Variants in NYAP1 observed in about 807,000 individuals in gnomAD.
NYAP1 encodes neuronal tyrosine phosphorylated phosphoinositide-3-kinase adaptor 1, also known as neuronal tyrosine-phosphorylated phosphoinositide-3-kinase adapter 1.
NYAP1 carries 20 observed loss-of-function variants against 58.6 expected under a neutral mutation model. The observed-to-expected ratio is 0.34, with a 90% confidence interval of 0.24 to 0.50. The LOEUF (loss-of-function observed/expected upper bound fraction) is 0.50, where lower values mean the gene tolerates loss of function less well. Ranked by LOEUF, NYAP1 falls within the 20% of genes least tolerant of loss-of-function variation. The pLI is 0.98. For missense variants in NYAP1, 1,150 were observed against 1,194.5 expected (o/e 0.96, Z 0.55); for synonymous variants, 572 against 523.1 (o/e 1.09, Z -1.27).
chr7:100,488,518 A>G lies in NYAP1; in HGVS notation c.797A>G (p.Tyr266Cys). Reference protein sequence around the residue: ...ESEAIYEEMKYPLPEEAGEGR... With the variant: ...ESEAIYEEMKCPLPEEAGEGR... ...GAGGCCATCTATGAAGAGATGAAGT[A>G]CCCGCTGCCGGAAGAGGCTGGGGAA... The change falls in exon 4 of 7, where the codon TAC becomes TGC. Residue 266 changes from tyrosine to cysteine, a missense_variant. By Grantham distance (194) the Tyr-to-Cys change is radical. Coordinates refer to ENST00000300179, the MANE Select transcript of NYAP1 (RefSeq NM_173564.4). This position sits in a 1 kb window ranked among gnomAD's most constrained non-coding sequence, Gnocchi z 5.9. The G allele has an allele frequency of 2.5e-6, 4 of 1,610,316 alleles. No homozygotes were observed. The South Asian group carries it at 4.4e-5, about 18-fold the overall frequency.
In NYAP1 at chr7:100,493,898, A is replaced by G. The variant is rs1799834048; in HGVS notation, c.2521A>G (p.Ile841Val). ...RQHTVLWDTA[I>V] ...GCACACGGTCCTCTGGGACACCGCC[A>G]TCTGAGGCGGGCGGGGGGGTACCGG... The change falls in exon 7 of 7, where the codon ATC (isoleucine) becomes GTC (valine). Residue 841 changes from isoleucine to valine, a missense_variant. Coordinates refer to ENST00000300179, the MANE Select transcript of NYAP1 (RefSeq NM_173564.4). The G allele has an allele frequency of 6.9e-7, 1 of 1,452,594 alleles. No individual in the cohort carries two copies. Among genetic ancestry groups the G allele is most frequent in the Non-Finnish European group, 9.0e-7 (1 of 1,106,866 alleles). 90.0% of individuals were successfully genotyped at this position (1,452,594 alleles called of 1,614,324 possible).
Position 100,490,814 on chromosome 7 carries a change from T to C in NYAP1, c.2158+85T>C. On this transcript the variant is annotated intron_variant, in intron 5 of 6. Transcript: ENST00000300179. This position sits in a 1 kb window ranked among gnomAD's most constrained non-coding sequence, Gnocchi z 4.6. ...TAGCTGCACCTGTCCTGACTTCCTCTCACCTGTTCACGTCTGTGCCCAGGG... is the reference window on the plus strand; with the variant it reads ...TAGCTGCACCTGTCCTGACTTCCTCCCACCTGTTCACGTCTGTGCCCAGGG... 1 of 1,273,708 alleles carries C rather than the reference T, an allele frequency of 7.9e-7. No individual in the cohort carries two copies. Among genetic ancestry groups the C allele is most frequent in the South Asian group, 1.5e-5 (1 of 65,404 alleles). The allele number at this position is 1,273,708 out of a possible 1,614,324, so 78.9% of individuals were successfully genotyped here. A position where few individuals can be genotyped will look rare whatever the true frequency, so the allele number is the denominator to read the frequency against.
chr7:100,489,089 G>A lies in NYAP1; in HGVS notation c.1368G>A (p.Lys456=), dbSNP rs369018165. 4 of 1,563,096 alleles carry A rather than the reference G, an allele frequency of 2.6e-6. No individual in the cohort carries two copies. Among genetic ancestry groups the A allele is most frequent in the East Asian group, 4.7e-5 (2 of 42,418 alleles). The part of the protein sequence containing the change: ...AALLPGPPKD[K]AVSYTMVYSA... ...TGCTCCCCGGCCCCCCCAAGGACAA[G>A]GCCGTGTCTTACACCATGGTGTACT... Residue 456 remains lysine (K), a synonymous_variant, in exon 4 of 7, where the codon AAG becomes AAA. Transcript: ENST00000300179.
Position 100,487,268 on chromosome 7 carries a change from C to T in NYAP1, c.430+86C>T. On this transcript the variant is annotated intron_variant, in intron 3 of 6. Coordinates refer to ENST00000300179, the MANE Select transcript of NYAP1 (RefSeq NM_173564.4). This position sits in a 1 kb window ranked among gnomAD's most constrained non-coding sequence, Gnocchi z 4.1. ...CCCGGGGAGGCTTGCCGGGAGGGTT[C>T]ATTCAGGGAAGAACCAAGGAAGTGG... 1 of 1,357,756 alleles carries T rather than the reference C, an allele frequency of 7.4e-7. No homozygotes were observed. The highest frequency in any genetic ancestry group is 1.7e-5 in the South Asian group (1 of 57,898). The allele number at this position is 1,357,756 out of a possible 1,614,324, so 84.1% of individuals were successfully genotyped here.
rs79083516 is a variant in NYAP1 at position 100,489,994 on chromosome 7, C to T, written c.1945+328C>T. 2.2e-4 allele frequency among the ~76,000 whole-genome samples: 33 copies of T among 152,082 alleles called. No individual in the cohort carries two copies. In the East Asian group the frequency reaches 6.0e-3, roughly 28 times the overall value. On this transcript the variant is annotated intron_variant, in intron 4 of 6. Transcript: ENST00000300179. The stretch of plus-strand genomic sequence containing the variant: ...ACCAGGAACTAAACACAGCTGCCTC[C>T]CAGCTGTTACCATGGCAACCCATCC...
rs756607233 is a variant in NYAP1 at position 100,487,019 on chromosome 7, C to T, written c.267C>T (p.Gly89=). 3.1e-6 allele frequency: 5 copies of T among 1,608,340 alleles called. No homozygotes were observed. Among genetic ancestry groups the T allele is most frequent in the Non-Finnish European group, 4.2e-6 (5 of 1,177,242 alleles). The change falls in exon 3 of 7, where the codon GGC becomes GGT. Residue 89 remains glycine (G), a synonymous_variant. Transcript: ENST00000300179. This position sits in a 1 kb window ranked among gnomAD's most constrained non-coding sequence, Gnocchi z 4.1. ...GCTCCCTCTCCTGCCACTCGGTGGG[C>T]AGCATGGACAGTGTCGGGGGTGGCC... The part of the protein sequence containing the change: ...APRSLSCHSV[G]SMDSVGGGPG...
In NYAP1 at chr7:100,487,194, C is replaced by G. The variant is rs762380179; in HGVS notation, c.430+12C>G. The G allele has an allele frequency of 1.8e-5, 27 of 1,477,878 alleles. No homozygotes were observed. The highest frequency in any genetic ancestry group is 7.6e-5 in the East Asian group (3 of 39,486). 91.5% of individuals were successfully genotyped at this position (1,477,878 alleles called of 1,614,324 possible). On this transcript the variant is annotated intron_variant, in intron 3 of 6. Coordinates refer to ENST00000300179, the MANE Select transcript of NYAP1 (RefSeq NM_173564.4). This position sits in a 1 kb window ranked among gnomAD's most constrained non-coding sequence, Gnocchi z 4.1. Reference sequence around the variant, plus strand: ...CAGCAAGAAAGCAGGTGAGATACCCCCTATCTCTCCCTGGGGTGGAGCTGG... The same window carrying G: ...CAGCAAGAAAGCAGGTGAGATACCCGCTATCTCTCCCTGGGGTGGAGCTGG...
At position 100,485,816 on chromosome 7, in the gene NYAP1, T is replaced by TG. The variant is rs1469484096; in HGVS notation, c.68+439dup. Among the ~76,000 whole-genome samples the TG allele has an allele frequency of 2.0e-5, 3 of 151,810 alleles. No individual in the cohort carries two copies. Among genetic ancestry groups the TG allele is most frequent in the Non-Finnish European group, 4.4e-5 (3 of 67,934 alleles). ...AGTTTTCCCTGCTGGGGGAGGTGAG[T>TG]GGTCAAGTGATGGGGTTGTGTGTGT... is the stretch of plus-strand genomic sequence containing the variant. On this transcript the variant is annotated intron_variant, in intron 2 of 6. Transcript: ENST00000300179. The surrounding 1 kb of genome is among the most constrained non-coding windows in gnomAD (Gnocchi z 5.7).
intron 6 of NYAP1, 26 bp downstream of exon 6, chr7:100,491,121 G>T: frequency 2.1e-6 from 3 of 1,424,058 alleles, no homozygotes; most frequent in South Asian, 2.5e-5. Flanking sequence ...TCTTTTATTT[G>T]TGAAGGAGCA....
At chr7:100,492,116 G>A (rs35146386) in intron 6 of NYAP1, among the ~76,000 whole-genome samples, 22,184 of 151,866 alleles carry the variant, frequency 0.15, 1,657 homozygotes, top group Non-Finnish European at 0.16. Context: ...GCAGGCACCC[G>A]TAATCCCAGC....
Position 100,489,585 on chromosome 7 carries a change from G to A in NYAP1, c.1864G>A (p.Val622Met), listed in dbSNP as rs771007914. 1.1e-4 allele frequency: 174 copies of A among 1,613,012 alleles called. No individual in the cohort carries two copies. The highest frequency in any genetic ancestry group is 1.4e-4 in the Non-Finnish European group (169 of 1,179,948). Residue 622 changes from valine to methionine, a missense_variant, in exon 4 of 7, where the codon GTG becomes ATG. Transcript: ENST00000300179. ...GACACCAGAGGAGGAAGAAGAGGAG[G>A]TGGGCGCCGCGACATTTGGGGCAGG... ...AGTPEEEEEE[V>M]GAATFGAGWA...
chr7:100,493,914 G>T lies in NYAP1; in HGVS notation c.*11G>T. The T allele has an allele frequency of 7.0e-7, 1 of 1,428,632 alleles. No homozygotes were observed. Among genetic ancestry groups the T allele is most frequent in the Non-Finnish European group, 9.1e-7 (1 of 1,097,978 alleles). 88.5% of individuals were successfully genotyped at this position (1,428,632 alleles called of 1,614,324 possible). On this transcript the variant is annotated 3_prime_UTR_variant, in exon 7 of 7. Transcript: ENST00000300179. ...GACACCGCCATCTGAGGCGGGCGGG[G>T]GGGTACCGGGGCGCCTGGACTGGGG...
At position 100,488,965 on chromosome 7, in the gene NYAP1, C is replaced by T. The variant is rs747788150; in HGVS notation, c.1244C>T (p.Ser415Phe). The T allele has an allele frequency of 4.8e-5, 75 of 1,574,988 alleles. No homozygotes were observed. The highest frequency in any genetic ancestry group is 6.0e-5 in the Non-Finnish European group (70 of 1,167,896). The change falls in exon 4 of 7, where the codon TCT becomes TTT. Residue 415 changes from serine (S) to phenylalanine (F), a missense_variant. Coordinates refer to ENST00000300179, the MANE Select transcript of NYAP1 (RefSeq NM_173564.4). This position sits in a 1 kb window ranked among gnomAD's most constrained non-coding sequence, Gnocchi z 5.9. Reference sequence around the variant, plus strand: ...TCGACACCGTTGCCACCCCAGGGCTCTGGCCAGCCCCGGGGGGAGCGGGAG... The same window carrying T: ...TCGACACCGTTGCCACCCCAGGGCTTTGGCCAGCCCCGGGGGGAGCGGGAG... ...SHSTPLPPQG[S>F]GQPRGERELP...
rs916256967 is a variant in NYAP1, at chr7:100,485,579, C to T, written c.68+200C>T. ...TGTGGGGGGGTTTACAGCCTAGGAG[C>T]ACCCCTTTGGTTGTTCCCCATCCCC... On this transcript the variant is annotated intron_variant, in intron 2 of 6. Coordinates refer to ENST00000300179, the MANE Select transcript of NYAP1 (RefSeq NM_173564.4). This position sits in a 1 kb window ranked among gnomAD's most constrained non-coding sequence, Gnocchi z 5.7. 6.6e-6 allele frequency among the ~76,000 whole-genome samples: 1 copy of T among 152,180 alleles called. No individual in the cohort carries two copies. Among genetic ancestry groups the T allele is most frequent in the African/African-American group, 2.4e-5 (1 of 41,450 alleles).
rs1009562021 is a variant in NYAP1, at chr7:100,489,013, T to C, written c.1292T>C (p.Ile431Thr). Residue 431 changes from isoleucine to threonine, a missense_variant, in exon 4 of 7, where the codon ATC becomes ACC. Transcript: ENST00000300179. ...ERELPNSHSM[I>T]CPKAAGAPAA... ...GAGCTCCCCAACTCCCACAGCATGA[T>C]CTGCCCTAAGGCGGCGGGGGCGCCG... 3.8e-6 allele frequency: 6 copies of C among 1,572,326 alleles called. No homozygotes were observed. Among genetic ancestry groups the C allele is most frequent in the African/African-American group, 1.4e-5 (1 of 74,048 alleles).
At position 100,490,685 on chromosome 7, in the gene NYAP1, T is replaced by C; in HGVS notation, c.2114T>C (p.Leu705Pro). 6.5e-7 allele frequency: 1 copy of C among 1,544,630 alleles called. No homozygotes were observed. Among genetic ancestry groups the C allele is most frequent in the Non-Finnish European group, 8.7e-7 (1 of 1,143,104 alleles). The change falls in exon 5 of 7, where the codon CTG (leucine) becomes CCG (proline). Residue 705 changes from leucine to proline, a missense_variant. Coordinates refer to ENST00000300179, the MANE Select transcript of NYAP1 (RefSeq NM_173564.4). The surrounding 1 kb of genome is among the most constrained non-coding windows in gnomAD (Gnocchi z 4.6). ...GACCGAGGAGGGAGCCGCACCGCGCTGCCCATTCCCTGCCAGACCTTCCCC... is the reference window on the plus strand; with the variant it reads ...GACCGAGGAGGGAGCCGCACCGCGCCGCCCATTCCCTGCCAGACCTTCCCC... ...HGDRGGSRTA[L>P]PIPCQTFPAC...
rs1799731888 is a variant in NYAP1 at position 100,488,223 on chromosome 7, C to T, written c.502C>T (p.Pro168Ser). The part of the protein sequence containing the change: ...KVPPQKPRRS[P>S]NTQLSVSFDE... ...TCCTCCGCAGAAGCCCAGGCGAAGC[C>T]CTAACACCCAGCTCTCTGTCTCCTT... Residue 168 changes from proline to serine, a missense_variant, in exon 4 of 7, where the codon CCT becomes TCT. By Grantham distance (74) the Pro-to-Ser change is moderately conservative (BLOSUM62 -1). Coordinates refer to ENST00000300179, the MANE Select transcript of NYAP1 (RefSeq NM_173564.4). The surrounding 1 kb of genome is among the most constrained non-coding windows in gnomAD (Gnocchi z 5.9). 1.2e-6 allele frequency: 2 copies of T among 1,613,580 alleles called. No homozygotes were observed. Among genetic ancestry groups the T allele is most frequent in the East Asian group, 4.5e-5 (2 of 44,874 alleles).
In NYAP1 at chr7:100,485,283, C is replaced by T. The variant is rs775919272; in HGVS notation, c.-29C>T. 3 of 1,526,712 alleles carry T rather than the reference C, an allele frequency of 2.0e-6. No homozygotes were observed. The South Asian group carries it at 3.5e-5, about 18-fold the overall frequency. 94.6% of individuals were successfully genotyped at this position (1,526,712 alleles called of 1,614,324 possible). On this transcript the variant is annotated 5_prime_UTR_variant, in exon 2 of 7. Coordinates refer to ENST00000300179, the MANE Select transcript of NYAP1 (RefSeq NM_173564.4). The surrounding 1 kb of genome is among the most constrained non-coding windows in gnomAD (Gnocchi z 5.7). ...CGGGCCTGGTGGCACTGAGCAGGGC[C>T]CCCCAGCCCCCACCTCCTGCCCCAC...
At position 100,489,595 on chromosome 7, in the gene NYAP1, C is replaced by A. The variant is rs200055326; in HGVS notation, c.1874C>A (p.Ala625Glu). The change falls in exon 4 of 7, where the codon GCG becomes GAG. Residue 625 changes from alanine (A) to glutamate (E), a missense_variant. By Grantham distance (107) the Ala-to-Glu change is moderately radical. Coordinates refer to ENST00000300179, the MANE Select transcript of NYAP1 (RefSeq NM_173564.4). ...PEEEEEEVGA[A>E]TFGAGWALQR... ...GAGGAAGAAGAGGAGGTGGGCGCCG[C>A]GACATTTGGGGCAGGCTGGGCCCTG... 137 of 1,611,558 alleles carry A rather than the reference C, an allele frequency of 8.5e-5. No homozygotes were observed. In the East Asian group the frequency reaches 2.5e-3, roughly 29 times the overall value.
Sources: gnomAD v4.1 joint callset for allele counts (sites outside exome capture counted in the v4.1 genomes callset) on GRCh38, gnomAD v4.1.1 for gene constraint, Gnocchi (gnomAD v3.1) non-coding constraint, MANE v1.5 for transcripts, NCBI Gene and HGNC (gene_info 2026-07-23, HGNC 2026-07-21) for gene names.